The following MDGA2 variants were observed in gnomAD, a reference collection of about 807,000 sequenced individuals.
MDGA2 encodes MAM domain-containing glycosylphosphatidylinositol anchor protein 2.
Under a neutral mutation model 117.8 loss-of-function variants are expected in MDGA2, and 40 were observed. That is an observed-to-expected ratio of 0.34 (90% CI 0.26 to 0.44). MDGA2 has a LOEUF of 0.44. Among genes scored for constraint, MDGA2 ranks in the 20% least tolerant of loss-of-function variants. The pLI is 1.00. For synonymous variants in MDGA2, 452 were observed against 439.0 expected (o/e 1.03, Z -0.37); for missense variants, 1,123 against 1,250.6 (o/e 0.90, Z 1.54).
intron 3 of MDGA2, among the ~76,000 whole-genome samples, chr14:47,180,588 C>G (rs1007697005): frequency 6.6e-6 from 1 of 152,110 alleles, no homozygotes; most frequent in Non-Finnish European, 1.5e-5. Context: ...CTCAACATCA[C>G]TGATCACTAG....
At chr14:47,005,745 A>G (rs1459226488) in intron 8 of MDGA2, among the ~76,000 whole-genome samples, 2 of 151,524 alleles carry the variant, frequency 1.3e-5, no homozygotes, top group Non-Finnish European at 3.0e-5. Context: ...ATCTCCCTAT[A>G]TGTATATTGA....
intron 1 of MDGA2, among the ~76,000 whole-genome samples, chr14:47,517,833 T>A (rs1451074459): frequency 2.0e-5 from 3 of 152,198 alleles, no homozygotes; most frequent in Non-Finnish European, 4.4e-5. Context: ...TGAAACTGTT[T>A]TTTCAACTAG....
chr14:47,101,372 G>A lies in MDGA2; in HGVS notation c.926-4249C>T, dbSNP rs114369134. ...TTCCCCATAAGCACCTCTTCTCCTG[G>A]CAAACAAAGTTTTCTTGGACTGAGC... On this transcript the variant is annotated intron_variant, in intron 5 of 16. Transcript: ENST00000399232. Among the ~76,000 whole-genome samples, 92 of 152,138 alleles carry A rather than the reference G, an allele frequency of 6.0e-4. 1 individual carries two copies. Among genetic ancestry groups the A allele is most frequent in the African/African-American group, 2.1e-3 (87 of 41,530 alleles).
At chr14:47,123,047 T>A (rs1176881371) in intron 5 of MDGA2, among the ~76,000 whole-genome samples, 2 of 152,086 alleles carry the variant, frequency 1.3e-5, no homozygotes, top group African/African-American at 4.8e-5. Context: ...ATATCCTAGA[T>A]GTTTGCTAAA....
intron 7 of MDGA2, among the ~76,000 whole-genome samples, chr14:47,038,035 T>C (rs1888920094): frequency 1.3e-5 from 2 of 152,154 alleles, no homozygotes; most frequent in Non-Finnish European, 2.9e-5. Context: ...GTTCAAGTGA[T>C]TGTTCTGCCT....
chr14:46,968,555 C>T (rs998120930), intron 8 of MDGA2, among the ~76,000 whole-genome samples: 9 of 152,060 alleles, frequency 5.9e-5, no homozygotes, highest in South Asian at 2.1e-4. Context: ...AGATTTGGGC[C>T]GGGCACAGTG....
chr14:47,372,832 A>C (rs1891393154), intron 1 of MDGA2, among the ~76,000 whole-genome samples: 1 of 152,028 alleles, frequency 6.6e-6, no homozygotes, highest in South Asian at 2.1e-4. Context: ...ATGATAGGCA[A>C]ATGTTCATAT....
At chr14:47,238,665 G>A (rs954688648) in intron 2 of MDGA2, among the ~76,000 whole-genome samples, 3 of 151,498 alleles carry the variant, frequency 2.0e-5, no homozygotes, top group African/African-American at 4.8e-5. Flanking sequence ...GTTCCCAGAC[G>A]GGCATTTACT....
intron 9 of MDGA2, among the ~76,000 whole-genome samples, chr14:46,954,014 T>C (rs1027382377): frequency 3.3e-5 from 5 of 152,026 alleles, no homozygotes; most frequent in South Asian, 2.1e-4. Context: ...CTCTGCTATA[T>C]TGTGTAATGG....
intron 1 of MDGA2, among the ~76,000 whole-genome samples, chr14:47,524,850 T>C (rs906949514): frequency 9.5e-4 from 145 of 152,312 alleles, no homozygotes; most frequent in African/African-American, 3.3e-3. Flanking sequence ...AATGACTAAA[T>C]GAATGATTTC....
chr14:47,335,745 T>TATATATATATATATATATACACATAC lies in MDGA2; in HGVS notation c.281-34196_281-34195insGTATGTGTATATATATATATATATAT. Among the ~76,000 whole-genome samples, 17 of 95,582 alleles carry TATATATATATATATATATACACATAC rather than the reference T, an allele frequency of 1.8e-4. 2 individuals are homozygous for TATATATATATATATATATACACATAC. In the East Asian group the frequency reaches 2.2e-3, roughly 12 times the overall value. The allele number at this position is 95,582 out of a possible 152,430, so 62.7% of individuals were successfully genotyped here. A position where few individuals can be genotyped will look rare whatever the true frequency, so the allele number is the denominator to read the frequency against. On this transcript the variant is annotated intron_variant, in intron 1 of 16. Transcript: ENST00000399232. Reference sequence around the variant, plus strand: ...TGCACACATATATTTTATATATATATATACATACATACATACAGGATCACT... The same window carrying TATATATATATATATATATACACATAC: ...TGCACACATATATTTTATATATATATATATATATATATATATATACACATACATACATACATACATACAGGATCACT...
intron 9 of MDGA2, among the ~76,000 whole-genome samples, chr14:46,922,176 T>C (rs1028701101): frequency 1.3e-5 from 2 of 152,034 alleles, no homozygotes; most frequent in Admixed American, 1.3e-4. Flanking sequence ...AACAGATACA[T>C]GAAATAAGAT....
At chr14:47,221,834 A>AAT (rs534500186) in intron 2 of MDGA2, among the ~76,000 whole-genome samples, 19 of 151,968 alleles carry the variant, frequency 1.3e-4, no homozygotes, top group South Asian at 8.3e-4. Flanking sequence ...TTAATTGGCA[A>AAT]ATATATATAT....
At chr14:47,188,554 G>A (rs1036358397) in intron 3 of MDGA2, among the ~76,000 whole-genome samples, 1 of 152,180 alleles carries the variant, frequency 6.6e-6, no homozygotes, top group Non-Finnish European at 1.5e-5. Context: ...ACCTAGCTAA[G>A]CCATGAAGGG....
At chr14:46,883,819 T>C (rs1882559038) in intron 10 of MDGA2, among the ~76,000 whole-genome samples, 1 of 152,114 alleles carries the variant, frequency 6.6e-6, no homozygotes, top group Non-Finnish European at 1.5e-5. Context: ...TGCTGGCTTA[T>C]ACAATTGTGA....
chr14:47,533,569 T>C (rs933715851), intron 1 of MDGA2, among the ~76,000 whole-genome samples: 10 of 152,178 alleles, frequency 6.6e-5, no homozygotes, highest in Admixed American at 5.2e-4. Context: ...CACACACATA[T>C]GGAGAAGGCT....
At chr14:47,357,180 G>C (rs1891013892) in intron 1 of MDGA2, among the ~76,000 whole-genome samples, 1 of 152,122 alleles carries the variant, frequency 6.6e-6, no homozygotes, top group South Asian at 2.1e-4. Context: ...AGTGCACTGA[G>C]AGCCTACAGG....
chr14:47,466,565 G>A (rs1893608618), intron 1 of MDGA2, among the ~76,000 whole-genome samples: 1 of 152,064 alleles, frequency 6.6e-6, no homozygotes, highest in Non-Finnish European at 1.5e-5. Context: ...TGACAAAGCT[G>A]TGCCTCATTT....
intron 1 of MDGA2, among the ~76,000 whole-genome samples, chr14:47,410,985 T>A (rs1374618921): frequency 6.6e-6 from 1 of 152,180 alleles, no homozygotes; most frequent in Non-Finnish European, 1.5e-5. Context: ...CTGGATTGAA[T>A]CTGTGTCTTC....
Sources: allele counts gnomAD v4.1 joint callset (sites outside exome capture counted in the v4.1 genomes callset), GRCh38; gene constraint gnomAD v4.1.1; transcripts MANE v1.5; gene names NCBI Gene and HGNC (gene_info 2026-07-23, HGNC 2026-07-21).